LRIG1: variants seen among roughly 807,000 people sequenced by gnomAD.
LRIG1 encodes the protein leucine rich repeats and immunoglobulin like domains 1.
In LRIG1, 48 loss-of-function variants were observed where a neutral mutation model predicts 99.2. That is an observed-to-expected ratio of 0.48 (90% CI 0.38 to 0.62). The LOEUF (loss-of-function observed/expected upper bound fraction) is 0.62. Among genes scored for constraint, LRIG1 ranks in the 20% least tolerant of loss-of-function variants. The pLI is 0.00. For missense variants in LRIG1, 1,646 were observed against 1,434.4 expected, an observed-to-expected ratio of 1.15 and a Z score of -2.38; for synonymous variants, 772 against 596.1, an observed-to-expected ratio of 1.29 and a Z score of -4.30.
rs1459575291 is a variant in LRIG1, at chr3:66,384,160, C to T, written c.1902G>A (p.Lys634=). 2.5e-6 allele frequency: 4 copies of T among 1,614,218 alleles called. No homozygotes were observed. The East Asian group carries it at 6.7e-5, about 27-fold the overall frequency. The change falls in exon 14 of 19, where the codon AAG becomes AAA. Residue 634 remains lysine, a synonymous_variant. Coordinates refer to ENST00000273261, the MANE Select transcript of LRIG1 (RefSeq NM_015541.3). The stretch of plus-strand genomic sequence containing the variant: ...CAGCGGGGAAATCCGTGCCTCCATC[C>T]TTCTGCCAGGCAATCTGAGGGTTTG... ...GHPNPQIAWQ[K]DGGTDFPAAR... is the part of the protein sequence containing the mutation.
chr3:66,406,196 G>A, intron 8 of LRIG1: 4 of 985,480 alleles, frequency 4.1e-6, no homozygotes, highest in Non-Finnish European at 4.8e-6. Context: ...TCTTGTCACA[G>A]CAGGAAGGTC....
chr3:66,414,892 T>C, intron 5 of LRIG1, 28 bp downstream of exon 5: 1 of 1,539,052 alleles, frequency 6.5e-7, no homozygotes, highest in Non-Finnish European at 8.7e-7. Flanking sequence ...TGGCTAGCCT[T>C]AATTAAAGTG....
At chr3:66,475,448 G>A (rs925425334) in intron 1 of LRIG1, among the ~76,000 whole-genome samples, 9 of 152,166 alleles carry the variant, frequency 5.9e-5, no homozygotes, top group African/African-American at 1.9e-4. Flanking sequence ...GCTATCAGAT[G>A]CAACCTGTAC....
Position 66,480,699 on chromosome 3 carries a change from GC to G in LRIG1, c.219-18191del, listed in dbSNP as rs978527565. Among the ~76,000 whole-genome samples, 128 of 152,292 alleles carry G rather than the reference GC, an allele frequency of 8.4e-4. 1 individual carries two copies. Among genetic ancestry groups the G allele is most frequent in the African/African-American group, 3.0e-3 (123 of 41,560 alleles). On this transcript the variant is annotated intron_variant, in intron 1 of 18. Coordinates refer to ENST00000273261, the MANE Select transcript of LRIG1 (RefSeq NM_015541.3). ...AGCTCTGTCCATGAGTCCATCAGAT[GC>G]AGAAAACCTCAGCTAGAGTTTACCC...
At chr3:66,493,876 A>C (rs1701163094) in intron 1 of LRIG1, among the ~76,000 whole-genome samples, 1 of 139,888 alleles carries the variant, frequency 7.1e-6, no homozygotes, top group African/African-American at 2.6e-5. Context: ...AGAAAGACGA[A>C]GGGAGGGAGG....
In LRIG1 at chr3:66,386,109, T is replaced by G. The variant is rs771937511; in HGVS notation, c.1661A>C (p.Glu554Ala). The change falls in exon 13 of 19, where the codon GAA becomes GCA. Residue 554 changes from glutamate (E) to alanine (A), a missense_variant. Glu to Ala is a moderately radical substitution (Grantham distance 107). Transcript: ENST00000273261. ...NFVHVHAQDG[E>A]VMEYTTILHL... ...CAGGATGGTGGTGTACTCCATCACTTCCCCGTCCTGCGCGTGGACGTGGAC... is the reference window on the plus strand; with the variant it reads ...CAGGATGGTGGTGTACTCCATCACTGCCCCGTCCTGCGCGTGGACGTGGAC... 108 of 1,614,166 alleles carry G rather than the reference T, an allele frequency of 6.7e-5. No individual in the cohort carries two copies. The highest frequency in any genetic ancestry group is 9.0e-5 in the Non-Finnish European group (106 of 1,180,022).
chr3:66,437,868 G>A (rs2106765996), intron 3 of LRIG1, among the ~76,000 whole-genome samples: 1 of 152,288 alleles, frequency 6.6e-6, no homozygotes, highest in South Asian at 2.1e-4. Context: ...GTAGCAAAAT[G>A]AAGCAGGTAC....
chr3:66,414,954 C>G lies in LRIG1; in HGVS notation c.613G>C (p.Val205Leu). Residue 205 changes from valine (V) to leucine (L), a missense_variant, in exon 5 of 19, where the codon GTA becomes CTA. By Grantham distance (32) the Val-to-Leu change is conservative (BLOSUM62 1). Transcript: ENST00000273261. Reference sequence around the variant, plus strand: ...AGCCTGGGTAGCTTGAATGCTCTTACAGGAAGCTGGGTGATCCTGTTTTTG... The same window carrying G: ...AGCCTGGGTAGCTTGAATGCTCTTAGAGGAAGCTGGGTGATCCTGTTTTTG... ...LSKNRITQLP[V>L]RAFKLPRLTQ... The G allele has an allele frequency of 6.2e-7, 1 of 1,611,334 alleles. No homozygotes were observed. The highest frequency in any genetic ancestry group is 8.5e-7 in the Non-Finnish European group (1 of 1,178,658).
chr3:66,444,565 C>T lies in LRIG1; in HGVS notation c.365+6994G>A, dbSNP rs549716841. Among the ~76,000 whole-genome samples the T allele has an allele frequency of 4.6e-3, 697 of 152,332 alleles. 11 individuals carry two copies. The highest frequency in any genetic ancestry group is 0.012 in the African/African-American group (502 of 41,578). The stretch of plus-strand genomic sequence containing the variant: ...CCCCATATGAGCCCCAGGAGTGGTT[C>T]TCAAAGCCACCTGGCCAGCAGCAGT... On this transcript the variant is annotated intron_variant, in intron 3 of 18. Coordinates refer to ENST00000273261, the MANE Select transcript of LRIG1 (RefSeq NM_015541.3).
intron 3 of LRIG1, among the ~76,000 whole-genome samples, chr3:66,432,792 G>A (rs929768343): frequency 2.6e-5 from 4 of 152,058 alleles, no homozygotes; most frequent in African/African-American, 9.7e-5. Context: ...ACCTCTTCTC[G>A]GCATCCACCA....
intron 1 of LRIG1, among the ~76,000 whole-genome samples, chr3:66,475,408 G>C (rs752323672): frequency 3.3e-5 from 5 of 152,176 alleles, no homozygotes; most frequent in African/African-American, 1.2e-4. Context: ...TTGGGGGTGA[G>C]AGCAGTTTGC....
intron 3 of LRIG1, among the ~76,000 whole-genome samples, chr3:66,436,403 C>T (rs1329507695): frequency 1.3e-5 from 2 of 152,186 alleles, no homozygotes; most frequent in Non-Finnish European, 2.9e-5. Context: ...CAAAGAAAAG[C>T]GGCTTAGGAG....
At chr3:66,484,720 G>A (rs1575728501) in intron 1 of LRIG1, among the ~76,000 whole-genome samples, 1 of 152,204 alleles carries the variant, frequency 6.6e-6, no homozygotes, top group South Asian at 2.1e-4. Flanking sequence ...TGGGATTCAT[G>A]TGCTCCAATT....
chr3:66,444,349 G>A (rs915096049), intron 3 of LRIG1, among the ~76,000 whole-genome samples: 2 of 150,822 alleles, frequency 1.3e-5, no homozygotes, highest in Non-Finnish European at 1.5e-5. Flanking sequence ...TGTTCTGTCC[G>A]TGGTACTGGA....
At chr3:66,388,991 G>C (rs575731707) in intron 12 of LRIG1, among the ~76,000 whole-genome samples, 46 of 152,068 alleles carry the variant, frequency 3.0e-4, no homozygotes, top group Non-Finnish European at 6.2e-4. Context: ...TTTGTAACTC[G>C]CGTCTCCTGA....
chr3:66,463,530 A>G (rs1284191656), intron 1 of LRIG1, among the ~76,000 whole-genome samples: 1 of 152,208 alleles, frequency 6.6e-6, no homozygotes, highest in Non-Finnish European at 1.5e-5. Context: ...AGGGGACCAC[A>G]ATCTCAACCA....
At chr3:66,406,291 C>G in intron 8 of LRIG1, 1 of 985,514 alleles carries the variant, frequency 1.0e-6, no homozygotes, top group Non-Finnish European at 1.2e-6. Context: ...AAACCAGGAA[C>G]CAGGGACCCG....
chr3:66,408,956 GTGTGTGGTGGGGGGA>G (rs1702370990), intron 7 of LRIG1, among the ~76,000 whole-genome samples: 1 of 132,548 alleles, frequency 7.5e-6, no homozygotes, highest in African/African-American at 2.8e-5. Context: ...GTGTGTGTGT[GTGTGTGGTGGGGGGA>G]GGGGGGGAGG....
intron 3 of LRIG1, among the ~76,000 whole-genome samples, chr3:66,433,696 G>C (rs958536834): frequency 6.6e-6 from 1 of 152,192 alleles, no homozygotes; most frequent in Non-Finnish European, 1.5e-5. Context: ...ACAGTGCTCC[G>C]GGAGGGTTAA....
Sources: allele counts gnomAD v4.1 joint callset (sites outside exome capture counted in the v4.1 genomes callset), GRCh38; gene constraint gnomAD v4.1.1; transcripts MANE v1.5; gene names NCBI Gene and HGNC (gene_info 2026-07-23, HGNC 2026-07-21).